SCN3B: variants seen among roughly 807,000 people sequenced by gnomAD.
SCN3B encodes the protein sodium voltage-gated channel beta subunit 3.
SCN3B carries 11 observed loss-of-function variants against 25.4 expected under a neutral mutation model. The observed-to-expected ratio is 0.43, with a 90% confidence interval of 0.27 to 0.72. SCN3B has a LOEUF of 0.72. Among genes scored for constraint, SCN3B ranks in the 30% least tolerant of loss-of-function variants. The probability of loss-of-function intolerance (pLI) is 0.18; values close to 1 mark genes in which losing one functional copy is unlikely to be tolerated. For synonymous variants in SCN3B, 109 were observed against 110.7 expected (o/e 0.99, Z 0.09); for missense variants, 218 against 278.3 (o/e 0.78, Z 1.54).
At chr11:123,640,585 C>T (rs1591345075) in intron 4 of SCN3B, 1 of 152,154 alleles carries the variant, frequency 6.6e-6, no homozygotes, top group Non-Finnish European at 1.5e-5. Context: ...GAAAGCAAGC[C>T]CTCCAGACAG....
In SCN3B at chr11:123,633,633, C is replaced by T. The variant is rs1591341596; in HGVS notation, c.*166G>A. On this transcript the variant is annotated 3_prime_UTR_variant, in exon 7 of 7. Coordinates refer to ENST00000299333, the MANE Select transcript of SCN3B (RefSeq NM_001040151.2). ...GGAGTTAGGGAGTCAGAGGTGAAAG[C>T]TCAGAGGCAGGTGGATGTATGGATG... 9.2e-6 allele frequency: 2 copies of T among 216,790 alleles called. No homozygotes were observed. The highest frequency in any genetic ancestry group is 2.2e-4 in the East Asian group (2 of 9,168). The allele number at this position is 216,790 out of a possible 1,614,324, so 13.4% of individuals were successfully genotyped here.
chr11:123,644,800 A>AGAGAGAGAAT (rs1272015067), intron 3 of SCN3B, among the ~76,000 whole-genome samples: 8 of 45,584 alleles, frequency 1.8e-4, no homozygotes, highest in African/African-American at 6.2e-4. Context: ...AGAGAGAGAG[A>AGAGAGAGAAT]ATATATATAT....
At chr11:123,638,551 C>T (rs926440217) in intron 4 of SCN3B, 3 of 571,786 alleles carry the variant, frequency 5.2e-6, no homozygotes, top group South Asian at 2.0e-5. Flanking sequence ...AAGAAGTAGC[C>T]GAGCAGTGGA....
intron 3 of SCN3B, among the ~76,000 whole-genome samples, chr11:123,643,109 G>A (rs114112515): frequency 0.012 from 1,792 of 152,258 alleles, 45 homozygotes; most frequent in African/African-American, 0.041. Flanking sequence ...AAGAGAACAA[G>A]GTAGAGACAG....
chr11:123,648,408 C>T (rs780597427), intron 2 of SCN3B, among the ~76,000 whole-genome samples: 7 of 152,172 alleles, frequency 4.6e-5, no homozygotes, highest in Non-Finnish European at 8.8e-5. Context: ...GTACAAATGT[C>T]ATTATTCATG....
rs1182812105 is a variant in SCN3B at position 123,638,227 on chromosome 11, G to A, written c.543C>T (p.Tyr181=). Residue 181 remains tyrosine, a synonymous_variant, in exon 5 of 7, where the codon TAC becomes TAT. Coordinates refer to ENST00000299333, the MANE Select transcript of SCN3B (RefSeq NM_001040151.2). ...LWLLIEMIYC[Y]RKVSKAEEAA... ...CCTCTTCGGCTTTTGAGACCTTTCT[G>A]TAGCAATATATCATCTCGATGAGCA... 1.9e-6 allele frequency: 3 copies of A among 1,613,982 alleles called. No individual in the cohort carries two copies. Among genetic ancestry groups the A allele is most frequent in the Middle Eastern group, 1.6e-4 (1 of 6,084 alleles).
At chr11:123,645,016 A>G (rs1202811171) in intron 3 of SCN3B, among the ~76,000 whole-genome samples, 1 of 151,762 alleles carries the variant, frequency 6.6e-6, no homozygotes, top group Non-Finnish European at 1.5e-5. Flanking sequence ...ATCATGGATA[A>G]GTCTGGGGGT....
chr11:123,642,478 G>A lies in SCN3B; in HGVS notation c.413C>T (p.Thr138Met), dbSNP rs761964055. ...FEAHRPFVKTTRLIPLRVTEE... is the reference protein window; with the variant it reads ...FEAHRPFVKTMRLIPLRVTEE... ...GGTGACTCTTAGGGGGATCAGCCGC[G>A]TCGTCTTCACAAAGGGCCGATGCGC... The change falls in exon 4 of 7, where the codon ACG (threonine) becomes ATG (methionine). Residue 138 changes from threonine (T) to methionine (M), a missense_variant. Transcript: ENST00000299333. The surrounding 1 kb of genome is among the most constrained non-coding windows in gnomAD (Gnocchi z 4.3). The A allele has an allele frequency of 2.0e-5, 32 of 1,613,956 alleles. No homozygotes were observed. The highest frequency in any genetic ancestry group is 1.6e-4 in the Middle Eastern group (1 of 6,084).
At chr11:123,639,850 T>C (rs949152753) in intron 4 of SCN3B, 2 of 152,222 alleles carry the variant, frequency 1.3e-5, no homozygotes, top group Non-Finnish European at 2.9e-5. Flanking sequence ...TGAAAATAAA[T>C]ATTATCTTAT....
chr11:123,634,274 G>A, intron 5 of SCN3B, 68 bp from the exon 6 acceptor site: 1 of 1,294,160 alleles, frequency 7.7e-7, no homozygotes, highest in Non-Finnish European at 1.1e-6. Flanking sequence ...GATGGGGAAG[G>A]AGCAGGGCAC....
At chr11:123,650,999 G>A (rs189626963) in intron 2 of SCN3B, among the ~76,000 whole-genome samples, 15 of 152,204 alleles carry the variant, frequency 9.9e-5, no homozygotes, top group Non-Finnish European at 2.2e-4. Context: ...GAAGCAGGAG[G>A]ATTACTTGAG....
In SCN3B at chr11:123,629,332, C is replaced by T. The variant is rs1035874051; in HGVS notation, c.*4467G>A. The T allele has an allele frequency of 1.3e-5, 2 of 152,232 alleles. No individual in the cohort carries two copies. Among genetic ancestry groups the T allele is most frequent in the Admixed American group, 1.3e-4 (2 of 15,284 alleles). 9.4% of individuals were successfully genotyped at this position (152,232 alleles called of 1,614,324 possible). ...CGATGGCAGTTCACAAGCCTGCAAG[C>T]ACTCGGCCTTCAGCGGCCTCCGTCT... is the stretch of plus-strand genomic sequence containing the variant. On this transcript the variant is annotated 3_prime_UTR_variant, in exon 7 of 7. Coordinates refer to ENST00000299333, the MANE Select transcript of SCN3B (RefSeq NM_001040151.2).
intron 4 of SCN3B, 108 bp from the exon 5 acceptor site, chr11:123,638,432 T>A (rs1448432762): frequency 4.1e-6 from 6 of 1,447,318 alleles, no homozygotes; most frequent in Non-Finnish European, 5.7e-6. Context: ...GTAAAGAAAC[T>A]CAAGAAGATG....
rs1293640952 is a variant in SCN3B at position 123,642,820 on chromosome 11, G to A, written c.220-149C>T. On this transcript the variant is annotated intron_variant, in intron 3 of 6. Transcript: ENST00000299333. This position sits in a 1 kb window ranked among gnomAD's most constrained non-coding sequence, Gnocchi z 4.3. Reference sequence around the variant, plus strand: ...ATGCCACCGGGAGACCCAGAATGTGGGGGTGGGATGAAGAGGCACAGAGGA... The same window carrying A: ...ATGCCACCGGGAGACCCAGAATGTGAGGGTGGGATGAAGAGGCACAGAGGA... 8.4e-6 allele frequency: 6 copies of A among 713,168 alleles called. No individual in the cohort carries two copies. Among genetic ancestry groups the A allele is most frequent in the African/African-American group, 3.6e-5 (2 of 54,892 alleles). 44.2% of individuals were successfully genotyped at this position (713,168 alleles called of 1,614,324 possible). A position where few individuals can be genotyped will look rare whatever the true frequency, so the allele number is the denominator to read the frequency against.
At chr11:123,639,269 G>T (rs1955761198) in intron 4 of SCN3B, 1 of 152,226 alleles carries the variant, frequency 6.6e-6, no homozygotes, top group South Asian at 2.1e-4. Flanking sequence ...ATCCTCTCCT[G>T]CTTTGCAGTC....
intron 3 of SCN3B, 148 bp downstream of exon 3, chr11:123,645,439 G>A: frequency 1.1e-6 from 1 of 889,058 alleles, no homozygotes; most frequent in East Asian, 2.4e-5. Context: ...GCTTCACTAA[G>A]GCTGTCAGTT....
intron 5 of SCN3B, 41 bp downstream of exon 5, chr11:123,638,145 G>A (rs1183914415): frequency 6.2e-7 from 1 of 1,611,942 alleles, no homozygotes; most frequent in African/African-American, 1.3e-5. Context: ...GCATTCTGAA[G>A]GTGCTAGCTT....
At chr11:123,634,411 G>A (rs1003081653) in intron 5 of SCN3B, among the ~76,000 whole-genome samples, 2 of 152,204 alleles carry the variant, frequency 1.3e-5, no homozygotes, top group African/African-American at 4.8e-5. Flanking sequence ...CACCAGGAGT[G>A]TATAGCTTCT....
rs1456993205 is a variant in SCN3B, at chr11:123,654,424, G to C, written c.-224C>G. On this transcript the variant is annotated 5_prime_UTR_variant, in exon 1 of 7. Coordinates refer to ENST00000299333, the MANE Select transcript of SCN3B (RefSeq NM_001040151.2). ...CCTCGGCTCCCTGGGGAGGTGCAGC[G>C]GGGCCGGGAAGGAAGCGGCAGCTCC... 2 of 155,078 alleles carry C rather than the reference G, an allele frequency of 1.3e-5. No individual in the cohort carries two copies. Among genetic ancestry groups the C allele is most frequent in the Admixed American group, 1.2e-4 (2 of 16,082 alleles). 9.6% of individuals were successfully genotyped at this position (155,078 alleles called of 1,614,324 possible). A position where few individuals can be genotyped will look rare whatever the true frequency, so the allele number is the denominator to read the frequency against.
Sources: allele counts gnomAD v4.1 joint callset (sites outside exome capture counted in the v4.1 genomes callset), GRCh38; gene constraint gnomAD v4.1.1; non-coding constraint Gnocchi (gnomAD v3.1); transcripts MANE v1.5; gene names NCBI Gene and HGNC (gene_info 2026-07-23, HGNC 2026-07-21).